The following MBP variants were observed in gnomAD, a reference collection of about 807,000 sequenced individuals.
MBP encodes Golli-MBP.
MBP carries 16 observed loss-of-function variants against 35.8 expected under a neutral mutation model. The ratio of observed to expected loss-of-function variants is 0.45; its 90% CI spans 0.30 to 0.68. The LOEUF (loss-of-function observed/expected upper bound fraction) is 0.68. Ranked by LOEUF, MBP falls within the 30% of genes least tolerant of loss-of-function variation. MBP has a pLI of 0.08. For missense variants in MBP, 380 were observed against 404.7 expected, an observed-to-expected ratio of 0.94 and a Z score of 0.52; for synonymous variants, 143 against 159.6, an observed-to-expected ratio of 0.90 and a Z score of 0.78.
intron 1 of MBP, among the ~76,000 whole-genome samples, chr18:77,118,638 A>G (rs1459410532): frequency 2.5e-5 from 3 of 120,998 alleles, no homozygotes; most frequent in African/African-American, 8.8e-5. Context: ...ACACACACAC[A>G]CTACACACCA....
rs1969095601 is a variant in MBP, at chr18:76,980,140, G to GC, written c.*286dup. 1.5e-6 allele frequency: 1 copy of GC among 658,204 alleles called. No homozygotes were observed. The highest frequency in any genetic ancestry group is 2.7e-5 in the East Asian group (1 of 36,956). 40.8% of individuals were successfully genotyped at this position (658,204 alleles called of 1,614,324 possible). A position where few individuals can be genotyped will look rare whatever the true frequency, so the allele number is the denominator to read the frequency against. On this transcript the variant is annotated 3_prime_UTR_variant, in exon 9 of 9. Transcript: ENST00000355994. ...ACGTGGAGGGACGTCTGTGCACCTG[G>GC]CCCCCTGAAGACCCACGTGCGTCTG...
intron 3 of MBP, among the ~76,000 whole-genome samples, chr18:77,051,327 C>T (rs1973480535): frequency 6.6e-6 from 1 of 152,216 alleles, no homozygotes; most frequent in Non-Finnish European, 1.5e-5. Flanking sequence ...CTCTCAGTTG[C>T]TTTGTAGCTC....
chr18:77,105,182 C>A (rs1976222946), intron 2 of MBP, 29 bp downstream of exon 2: 6 of 1,609,806 alleles, frequency 3.7e-6, no homozygotes, highest in Non-Finnish European at 5.1e-6. Flanking sequence ...AAACAACATG[C>A]ACATGTTTCG....
chr18:77,076,619 C>T (rs1201147543), intron 2 of MBP, among the ~76,000 whole-genome samples: 2 of 152,210 alleles, frequency 1.3e-5, no homozygotes, highest in Admixed American at 6.5e-5. Context: ...AAAGCAGGAA[C>T]GACTGTGCCA....
intron 7 of MBP, chr18:76,985,469 G>A (rs1027205995): frequency 1.7e-6 from 2 of 1,187,858 alleles, no homozygotes; most frequent in Admixed American, 3.6e-5. Flanking sequence ...GTAAAATGTC[G>A]AGCCTCGTAT....
At chr18:76,980,990 A>G (rs531442571) in intron 8 of MBP, 1 of 156,870 alleles carries the variant, frequency 6.4e-6, no homozygotes, top group Admixed American at 6.1e-5. Context: ...CACCAGACAA[A>G]TCAAATGCAC....
chr18:76,989,868 G>C lies in MBP; in HGVS notation c.681+88C>G. ...GATGACCCCGGTGCCACCCCCGAGC[G>C]TACGAACGTCCTGTGTGGATGACAG... On this transcript the variant is annotated intron_variant, in intron 5 of 8. Transcript: ENST00000355994. This position sits in a 1 kb window ranked among gnomAD's most constrained non-coding sequence, Gnocchi z 4.0. 4.3e-6 allele frequency: 5 copies of C among 1,173,998 alleles called. No individual in the cohort carries two copies. Among genetic ancestry groups the C allele is most frequent in the East Asian group, 2.4e-5 (1 of 42,210 alleles). The allele number at this position is 1,173,998 out of a possible 1,614,324, so 72.7% of individuals were successfully genotyped here.
At chr18:76,995,222 T>C (rs1970205299) in intron 4 of MBP, among the ~76,000 whole-genome samples, 1 of 152,210 alleles carries the variant, frequency 6.6e-6, no homozygotes, top group Non-Finnish European at 1.5e-5. Flanking sequence ...ACTATGTTCA[T>C]GAATTAGAAG....
chr18:77,091,715 C>A (rs1242606174), intron 2 of MBP, among the ~76,000 whole-genome samples: 1 of 151,594 alleles, frequency 6.6e-6, no homozygotes, highest in Non-Finnish European at 1.5e-5. Context: ...TGCAAACACA[C>A]CACATACACA....
intron 1 of MBP, among the ~76,000 whole-genome samples, chr18:77,129,091 A>G (rs58713066): frequency 0.046 from 7,028 of 152,216 alleles, 488 homozygotes; most frequent in African/African-American, 0.15. Context: ...CATTAGTCTC[A>G]TATTTTACTC....
chr18:77,061,879 GTC>G (rs1427661511), intron 3 of MBP, among the ~76,000 whole-genome samples: 2 of 152,166 alleles, frequency 1.3e-5, no homozygotes, highest in African/African-American at 4.8e-5. Context: ...TATCTCCATT[GTC>G]TGAGCAATGA....
At chr18:77,006,682 G>A (rs1420479616) in intron 4 of MBP, 3 of 152,300 alleles carry the variant, frequency 2.0e-5, no homozygotes, top group Non-Finnish European at 4.4e-5. Context: ...CCCGCTGCCT[G>A]CCTTCCAGTC....
rs115788551 is a variant in MBP at position 77,093,885 on chromosome 18, G to C, written c.51+11326C>G. 2.6e-3 allele frequency among the ~76,000 whole-genome samples: 399 copies of C among 152,190 alleles called. 1 individual carries two copies. The highest frequency in any genetic ancestry group is 9.1e-3 in the African/African-American group (377 of 41,514). On this transcript the variant is annotated intron_variant, in intron 2 of 8. Transcript: ENST00000355994. ...AAACCACACCAGTACCATGCCTTACGCTCATTCTCAAGTCAGACATGGCTC... is the reference window on the plus strand; with the variant it reads ...AAACCACACCAGTACCATGCCTTACCCTCATTCTCAAGTCAGACATGGCTC...
chr18:77,071,572 C>T (rs1356227944), intron 2 of MBP, among the ~76,000 whole-genome samples: 1 of 152,172 alleles, frequency 6.6e-6, no homozygotes, highest in East Asian at 1.9e-4. Context: ...AACTAAGAAT[C>T]CATGACTGTA....
chr18:77,068,016 CGTGTGTGTGTGTGT>C (rs56090018), intron 2 of MBP, among the ~76,000 whole-genome samples: 1 of 149,624 alleles, frequency 6.7e-6, no homozygotes, highest in South Asian at 2.1e-4. Flanking sequence ...CCCTCCATCC[CGTGTGTGTGTGTGT>C]GTGTGTGTTT....
intron 3 of MBP, among the ~76,000 whole-genome samples, chr18:77,055,453 C>T (rs993495289): frequency 1.1e-4 from 16 of 150,638 alleles, no homozygotes; most frequent in African/African-American, 1.9e-4. Flanking sequence ...CTGCCATCCT[C>T]CCTGGCTGGG....
At chr18:77,086,319 A>G (rs9959822) in intron 2 of MBP, among the ~76,000 whole-genome samples, 73,844 of 152,102 alleles carry the variant, frequency 0.49, 19,283 homozygotes, top group Non-Finnish European at 0.56. Context: ...CAAAGAGTTC[A>G]TGCATACAAG....
intron 4 of MBP, among the ~76,000 whole-genome samples, chr18:76,995,463 C>T (rs1970216027): frequency 6.6e-6 from 1 of 152,144 alleles, no homozygotes; most frequent in Non-Finnish European, 1.5e-5. Flanking sequence ...TAACTGAAGA[C>T]CTGTGGTGCT....
intron 3 of MBP, among the ~76,000 whole-genome samples, chr18:77,046,446 G>C (rs470559): frequency 0.87 from 132,666 of 152,288 alleles, 58,366 homozygotes; most frequent in South Asian, 0.93. Context: ...CATGAAGACA[G>C]TTAGGCTGAG....
Sources: allele counts gnomAD v4.1 joint callset (sites outside exome capture counted in the v4.1 genomes callset), GRCh38; gene constraint gnomAD v4.1.1; non-coding constraint Gnocchi (gnomAD v3.1); transcripts MANE v1.5; gene names NCBI Gene and HGNC (gene_info 2026-07-23, HGNC 2026-07-21).